TRIM67: variants seen among roughly 807,000 people sequenced by gnomAD.
TRIM67 encodes the protein tripartite motif-containing protein 67.
TRIM67 carries 39 observed loss-of-function variants against 71.0 expected under a neutral mutation model. The ratio of observed to expected loss-of-function variants is 0.55; its 90% CI spans 0.43 to 0.72. The LOEUF (loss-of-function observed/expected upper bound fraction) is 0.72, where lower values mean the gene tolerates loss of function less well. Ranked by LOEUF, TRIM67 falls within the 30% of genes least tolerant of loss-of-function variation. The pLI, the probability that TRIM67 is intolerant of heterozygous loss-of-function variation, is 0.00. For synonymous variants in TRIM67, 481 were observed against 473.9 expected, an observed-to-expected ratio of 1.01 and a Z score of -0.19; for missense variants, 973 against 1,079.2, an observed-to-expected ratio of 0.90 and a Z score of 1.38.
chr1:231,215,324 G>C (rs1683987095), intron 9 of TRIM67, 51 bp from the exon 10 acceptor site: 1 of 1,592,722 alleles, frequency 6.3e-7, no homozygotes, highest in East Asian at 2.3e-5. Flanking sequence ...GAGCCCTCAG[G>C]GTCCCTGCGG....
At position 231,201,349 on chromosome 1, in the gene TRIM67, C is replaced by A. The variant is rs1280522015; in HGVS notation, c.1375-9C>A. On this transcript the variant is annotated splice_polypyrimidine_tract_variant and intron_variant, in intron 4 of 9. Transcript: ENST00000366653. ...AAGCAAAACCTTAAACTCTTTGCTC[C>A]CCTTTAAGATCTCAGATGCTCTGAT... The A allele has an allele frequency of 6.2e-7, 1 of 1,610,188 alleles. No homozygotes were observed. Among genetic ancestry groups the A allele is most frequent in the Non-Finnish European group, 8.5e-7 (1 of 1,178,246 alleles).
intron 6 of TRIM67, 30 bp downstream of exon 6, chr1:231,204,042 T>C (rs1683628519): frequency 6.2e-7 from 1 of 1,612,226 alleles, no homozygotes; most frequent in African/African-American, 1.3e-5. Flanking sequence ...TTGGCGGGGA[T>C]TGAGGGTACC....
At chr1:231,192,860 G>A (rs1035529462) in intron 1 of TRIM67, among the ~76,000 whole-genome samples, 1 of 152,238 alleles carries the variant, frequency 6.6e-6, no homozygotes, top group Non-Finnish European at 1.5e-5. Flanking sequence ...AGCAGTGTCC[G>A]CTGAACCGTG....
At chr1:231,195,274 G>T (rs1683337314) in intron 1 of TRIM67, among the ~76,000 whole-genome samples, 1 of 152,204 alleles carries the variant, frequency 6.6e-6, no homozygotes, top group Non-Finnish European at 1.5e-5. Context: ...ACACATGGCA[G>T]TTGCAACTTA....
chr1:231,193,890 A>T (rs562874381), intron 1 of TRIM67, among the ~76,000 whole-genome samples: 2 of 152,210 alleles, frequency 1.3e-5, no homozygotes, highest in Admixed American at 6.5e-5. Context: ...CAAGACACTC[A>T]TGCGGATCCA....
chr1:231,169,877 CACT>C (rs1682578140), intron 1 of TRIM67, among the ~76,000 whole-genome samples: 1 of 152,216 alleles, frequency 6.6e-6, no homozygotes, highest in African/African-American at 2.4e-5. Flanking sequence ...CCAACATCAC[CACT>C]GTCTTCAAGC....
chr1:231,185,156 C>T, intron 1 of TRIM67: 4 of 1,532,896 alleles, frequency 2.6e-6, no homozygotes, highest in Non-Finnish European at 3.5e-6. Context: ...GTTGTCCAGC[C>T]AGCCAGCCTG....
In TRIM67 at chr1:231,215,799, G is replaced by A; in HGVS notation, c.*359G>A. The A allele has an allele frequency of 4.8e-6, 5 of 1,050,432 alleles. No individual in the cohort carries two copies. The highest frequency in any genetic ancestry group is 5.7e-6 in the Non-Finnish European group (5 of 872,728). 65.1% of individuals were successfully genotyped at this position (1,050,432 alleles called of 1,614,324 possible). A position where few individuals can be genotyped will look rare whatever the true frequency, so the allele number is the denominator to read the frequency against. ...TTGTCTTTTTTTGGAGGGAGAGGAAGGTAGACTTTGAGACTGGCCTCCTGA... is the reference window on the plus strand; with the variant it reads ...TTGTCTTTTTTTGGAGGGAGAGGAAAGTAGACTTTGAGACTGGCCTCCTGA... On this transcript the variant is annotated 3_prime_UTR_variant, in exon 10 of 10. Coordinates refer to ENST00000366653, the MANE Select transcript of TRIM67 (RefSeq NM_001004342.5).
In TRIM67 at chr1:231,163,431, G is replaced by A. The variant is rs745981418; in HGVS notation, c.462G>A (p.Ser154=). 19 of 1,539,484 alleles carry A rather than the reference G, an allele frequency of 1.2e-5. No homozygotes were observed. Among genetic ancestry groups the A allele is most frequent in the Non-Finnish European group, 1.7e-5 (19 of 1,147,520 alleles). Reference sequence around the variant, plus strand: ...CCTGCTCCTCGCTGTCCTCGTCTTCGAGCTCCATCACGTGCCCGCAGTGCC... The same window carrying A: ...CCTGCTCCTCGCTGTCCTCGTCTTCAAGCTCCATCACGTGCCCGCAGTGCC... ...GAACSSLSSS[S]SSITCPQCHR... The change falls in exon 1 of 10, where the codon TCG becomes TCA. Residue 154 remains serine, a synonymous_variant. Coordinates refer to ENST00000366653, the MANE Select transcript of TRIM67 (RefSeq NM_001004342.5).
chr1:231,180,991 G>A (rs889373102), intron 1 of TRIM67, among the ~76,000 whole-genome samples: 1 of 151,880 alleles, frequency 6.6e-6, no homozygotes, highest in South Asian at 2.1e-4. Context: ...GTTTGTGATG[G>A]AGTCTCGCTC....
In TRIM67 at chr1:231,217,770, G is replaced by A; in HGVS notation, c.*2330G>A. 1 of 1,282,098 alleles carries A rather than the reference G, an allele frequency of 7.8e-7. No individual in the cohort carries two copies. The highest frequency in any genetic ancestry group is 1.0e-6 in the Non-Finnish European group (1 of 985,214). The allele number at this position is 1,282,098 out of a possible 1,614,324, so 79.4% of individuals were successfully genotyped here. A position where few individuals can be genotyped will look rare whatever the true frequency, so the allele number is the denominator to read the frequency against. ...AGAATCGCCCATCATTGGAGCACAA[G>A]TTGCCTGGGGCTACCCTGAACCTAA... On this transcript the variant is annotated 3_prime_UTR_variant, in exon 10 of 10. Coordinates refer to ENST00000366653, the MANE Select transcript of TRIM67 (RefSeq NM_001004342.5).
intron 1 of TRIM67, among the ~76,000 whole-genome samples, chr1:231,181,132 ATT>A (rs1302328917): frequency 6.6e-6 from 1 of 152,066 alleles, no homozygotes; most frequent in Non-Finnish European, 1.5e-5. Context: ...TGTCCAGCTA[ATT>A]TTTATATTTT....
rs545678783 is a variant in TRIM67, at chr1:231,217,865, C to T, written c.*2425C>T. 11 of 1,289,530 alleles carry T rather than the reference C, an allele frequency of 8.5e-6. No individual in the cohort carries two copies. The highest frequency in any genetic ancestry group is 6.2e-5 in the South Asian group (5 of 81,018). 79.9% of individuals were successfully genotyped at this position (1,289,530 alleles called of 1,614,324 possible). ...TGCAGGAGGGTAATGCCCTCAAATC[C>T]GGTGGCCTCTTTCAGAAAAAAGTTC... On this transcript the variant is annotated 3_prime_UTR_variant, in exon 10 of 10. Transcript: ENST00000366653.
At chr1:231,202,588 G>A (rs1447048237) in intron 5 of TRIM67, among the ~76,000 whole-genome samples, 1 of 152,164 alleles carries the variant, frequency 6.6e-6, no homozygotes, top group African/African-American at 2.4e-5. Context: ...CAAGGGAGGG[G>A]AGGTAAAGCT....
At chr1:231,196,539 G>A (rs998096568) in intron 1 of TRIM67, among the ~76,000 whole-genome samples, 4 of 151,014 alleles carry the variant, frequency 2.6e-5, no homozygotes, top group Admixed American at 2.6e-4. Context: ...TTGAGCCACT[G>A]CACTCTAGCC....
At chr1:231,186,517 G>T (rs574346949) in intron 1 of TRIM67, among the ~76,000 whole-genome samples, 1 of 152,084 alleles carries the variant, frequency 6.6e-6, no homozygotes, top group Non-Finnish European at 1.5e-5. Context: ...GACCTGCTCC[G>T]GCCTCTCTCC....
chr1:231,178,265 C>T (rs956032633), intron 1 of TRIM67, among the ~76,000 whole-genome samples: 1 of 152,144 alleles, frequency 6.6e-6, no homozygotes, highest in African/African-American at 2.4e-5. Flanking sequence ...GTTTACTAGA[C>T]TGACATTACT....
chr1:231,162,665 T>A lies in TRIM67; in HGVS notation c.-305T>A. The A allele has an allele frequency of 2.6e-6, 1 of 378,836 alleles. No individual in the cohort carries two copies. 23.5% of individuals were successfully genotyped at this position (378,836 alleles called of 1,614,324 possible). ...CTGGTGCTGATTCATCACCTAAAGC[T>A]CCTCGCAGGCCACCGCGAGGGCAGC... On this transcript the variant is annotated 5_prime_UTR_variant, in exon 1 of 10. Transcript: ENST00000366653.
At chr1:231,213,025 T>G (rs1683915920) in intron 8 of TRIM67, among the ~76,000 whole-genome samples, 1 of 152,142 alleles carries the variant, frequency 6.6e-6, no homozygotes, top group Non-Finnish European at 1.5e-5. Context: ...GACCCTAGGA[T>G]GTTTCTGGGA....
Sources: gnomAD v4.1 joint callset for allele counts (sites outside exome capture counted in the v4.1 genomes callset) on GRCh38, gnomAD v4.1.1 for gene constraint, MANE v1.5 for transcripts, NCBI Gene and HGNC (gene_info 2026-07-23, HGNC 2026-07-21) for gene names.